The following ARHGAP15 variants were observed in gnomAD, a reference collection of about 807,000 sequenced individuals.
ARHGAP15 encodes rho GTPase-activating protein 15.
ARHGAP15 carries 51 observed loss-of-function variants against 63.7 expected under a neutral mutation model. The ratio of observed to expected loss-of-function variants is 0.80; its 90% CI spans 0.64 to 1.01. The LOEUF (loss-of-function observed/expected upper bound fraction) is 1.01, where lower values mean the gene tolerates loss of function less well. Among genes scored for constraint, ARHGAP15 ranks in the 50% least tolerant of loss-of-function variants. The pLI is 0.00. For synonymous variants in ARHGAP15, 191 were observed against 193.8 expected (o/e 0.99, Z 0.12); for missense variants, 560 against 564.6 (o/e 0.99, Z 0.08).
chr2:143,290,711 T>C (rs1206559264), intron 6 of ARHGAP15, among the ~76,000 whole-genome samples: 2 of 152,098 alleles, frequency 1.3e-5, no homozygotes, highest in Non-Finnish European at 2.9e-5. Flanking sequence ...ATACACAATG[T>C]AGGAGGAGGA....
chr2:143,282,061 T>C (rs911414474), intron 6 of ARHGAP15, among the ~76,000 whole-genome samples: 1 of 152,128 alleles, frequency 6.6e-6, no homozygotes, highest in Admixed American at 6.6e-5. Flanking sequence ...CTTGGAGTTA[T>C]CACTTTAAAA....
intron 11 of ARHGAP15, among the ~76,000 whole-genome samples, chr2:143,567,141 C>T (rs1475061096): frequency 6.6e-6 from 1 of 152,128 alleles, no homozygotes; most frequent in Non-Finnish European, 1.5e-5. Flanking sequence ...TCCCAAAGTG[C>T]TGGCATTACA....
At chr2:143,281,574 GACTCCCGGGAAACGGGCCTAAGA>G (rs535172552) in intron 6 of ARHGAP15, among the ~76,000 whole-genome samples, 106 of 152,212 alleles carry the variant, frequency 7.0e-4, no homozygotes, top group African/African-American at 2.5e-3. Flanking sequence ...AGGTAACGTG[GACTCCCGGGAAACGGGCCTAAGA>G]ACCCAATCTC....
chr2:143,734,719 G>A (rs1269033927), intron 13 of ARHGAP15, among the ~76,000 whole-genome samples: 4 of 152,134 alleles, frequency 2.6e-5, no homozygotes, highest in African/African-American at 7.2e-5. Flanking sequence ...GATGTGCTGC[G>A]CTGATGATAA....
chr2:143,305,369 T>C (rs959952563), intron 6 of ARHGAP15: 4 of 151,992 alleles, frequency 2.6e-5, no homozygotes, highest in African/African-American at 7.3e-5. Context: ...AAATACCTAA[T>C]GTAGATGACG....
chr2:143,404,444 A>G (rs1688114031), intron 6 of ARHGAP15, among the ~76,000 whole-genome samples: 1 of 151,988 alleles, frequency 6.6e-6, no homozygotes, highest in South Asian at 2.1e-4. Flanking sequence ...TATAGCCTGA[A>G]AATGTTGTAT....
chr2:143,235,582 G>C (rs181260057), intron 5 of ARHGAP15, among the ~76,000 whole-genome samples: 1 of 152,134 alleles, frequency 6.6e-6, no homozygotes, highest in Admixed American at 6.5e-5. Flanking sequence ...CATGGCTATT[G>C]TTTTAACAAA....
chr2:143,327,158 T>A (rs541252726), intron 6 of ARHGAP15, among the ~76,000 whole-genome samples: 2 of 152,138 alleles, frequency 1.3e-5, no homozygotes, highest in African/African-American at 4.8e-5. Flanking sequence ...CCATTCACAA[T>A]TGCTACAAAG....
intron 6 of ARHGAP15, among the ~76,000 whole-genome samples, chr2:143,330,094 C>CAAAAAAAAAAACAAAAAAAA: frequency 5.9e-4 from 1 of 1,688 alleles, no homozygotes; most frequent in Non-Finnish European, 1.4e-3. Context: ...GGCTCTGTCT[C>CAAAAAAAAAAACAAAAAAAA]AAAAAAAAAA....
intron 13 of ARHGAP15, among the ~76,000 whole-genome samples, chr2:143,705,444 T>G: frequency 6.6e-6 from 1 of 152,178 alleles, no homozygotes; most frequent in East Asian, 1.9e-4. Context: ...AAAATCGGAT[T>G]AAATACTATC....
At chr2:143,151,961 C>A (rs1689841275) in intron 1 of ARHGAP15, among the ~76,000 whole-genome samples, 1 of 151,932 alleles carries the variant, frequency 6.6e-6, no homozygotes, top group South Asian at 2.1e-4. Flanking sequence ...CCTCAACTGT[C>A]CTCCTTCTGT....
intron 6 of ARHGAP15, among the ~76,000 whole-genome samples, chr2:143,383,957 A>G (rs1300277517): frequency 6.6e-6 from 1 of 152,120 alleles, no homozygotes; most frequent in Non-Finnish European, 1.5e-5. Context: ...AGAGAAAACT[A>G]AAATTGACAG....
intron 6 of ARHGAP15, among the ~76,000 whole-genome samples, chr2:143,397,316 ATGTG>A (rs71411383): frequency 0.012 from 1,708 of 147,602 alleles, 35 homozygotes; most frequent in African/African-American, 0.039. Context: ...TGAGATATGT[ATGTG>A]TGTGTGTGTG....
At chr2:143,559,061 T>C (rs1695922279) in intron 11 of ARHGAP15, among the ~76,000 whole-genome samples, 1 of 152,170 alleles carries the variant, frequency 6.6e-6, no homozygotes, top group African/African-American at 2.4e-5. Flanking sequence ...CCTAGCCTCA[T>C]ATTCATTCTA....
intron 6 of ARHGAP15, among the ~76,000 whole-genome samples, chr2:143,432,732 G>T (rs567444809): frequency 1.2e-4 from 18 of 152,094 alleles, no homozygotes; most frequent in African/African-American, 3.9e-4. Context: ...TTCCCCAGAT[G>T]GATACTTAAA....
intron 12 of ARHGAP15, among the ~76,000 whole-genome samples, chr2:143,680,174 C>A (rs1343075667): frequency 6.6e-6 from 1 of 151,412 alleles, no homozygotes; most frequent in African/African-American, 2.4e-5. Context: ...CAGCTTATAA[C>A]AAACAAAAAC....
chr2:143,384,993 GTCA>G (rs1687218226), intron 6 of ARHGAP15, among the ~76,000 whole-genome samples: 1 of 152,140 alleles, frequency 6.6e-6, no homozygotes, highest in African/African-American at 2.4e-5. Context: ...AGCCCATACT[GTCA>G]AGCACTTGAT....
intron 10 of ARHGAP15, among the ~76,000 whole-genome samples, chr2:143,555,662 C>A (rs1028197817): frequency 2.0e-5 from 3 of 151,970 alleles, no homozygotes; most frequent in African/African-American, 7.2e-5. Flanking sequence ...TACAGATGAC[C>A]AGTTCTAAAA....
At chr2:143,680,752 A>C (rs901595054) in intron 12 of ARHGAP15, among the ~76,000 whole-genome samples, 2 of 152,224 alleles carry the variant, frequency 1.3e-5, no homozygotes, top group South Asian at 2.1e-4. Context: ...ATAAGCCTGC[A>C]TAGGTGGCAG....
Sources: allele counts gnomAD v4.1 joint callset (sites outside exome capture counted in the v4.1 genomes callset), GRCh38; gene constraint gnomAD v4.1.1; transcripts MANE v1.5; gene names NCBI Gene and HGNC (gene_info 2026-07-23, HGNC 2026-07-21).